The following PDE7B variants were observed in gnomAD, a reference collection of about 807,000 sequenced individuals.
PDE7B encodes 3',5'-cyclic-AMP phosphodiesterase 7B.
Under a neutral mutation model 56.2 loss-of-function variants are expected in PDE7B, and 29 were observed. The ratio of observed to expected loss-of-function variants is 0.52; its 90% CI spans 0.38 to 0.70. The LOEUF (loss-of-function observed/expected upper bound fraction) is 0.70. Among genes scored for constraint, PDE7B ranks in the 30% least tolerant of loss-of-function variants. PDE7B has a pLI of 0.00. For synonymous variants in PDE7B, 197 were observed against 196.9 expected, an observed-to-expected ratio of 1.00 and a Z score of 0.00; for missense variants, 490 against 565.0, an observed-to-expected ratio of 0.87 and a Z score of 1.35.
intron 3 of PDE7B, among the ~76,000 whole-genome samples, chr6:136,143,508 C>CA (rs1179459572): frequency 1.3e-5 from 2 of 151,146 alleles, no homozygotes; most frequent in South Asian, 2.1e-4. Flanking sequence ...AAATTAAAAC[C>CA]AAAAAAAGTC....
intron 1 of PDE7B, among the ~76,000 whole-genome samples, chr6:135,928,075 T>A (rs758842336): frequency 4.6e-5 from 7 of 151,768 alleles, no homozygotes; most frequent in Non-Finnish European, 8.8e-5. Flanking sequence ...CAAATCAAAA[T>A]CACCATGAGA....
At chr6:136,109,602 G>A (rs1388091476) in intron 3 of PDE7B, among the ~76,000 whole-genome samples, 1 of 152,160 alleles carries the variant, frequency 6.6e-6, no homozygotes, top group Non-Finnish European at 1.5e-5. Flanking sequence ...AAAATCCAAA[G>A]CACTTGCTGC....
chr6:135,899,283 A>G (rs771262218), intron 1 of PDE7B, among the ~76,000 whole-genome samples: 1 of 152,024 alleles, frequency 6.6e-6, no homozygotes, highest in Non-Finnish European at 1.5e-5. Context: ...TACAACGTTC[A>G]TCTTAATAAT....
intron 2 of PDE7B, among the ~76,000 whole-genome samples, chr6:135,978,422 T>C (rs1173091498): frequency 6.6e-6 from 1 of 152,146 alleles, no homozygotes; most frequent in Non-Finnish European, 1.5e-5. Flanking sequence ...AGAATGTTAC[T>C]GTACACTTCT....
intron 2 of PDE7B, chr6:136,047,491 A>G (rs1239705339): frequency 6.6e-6 from 1 of 152,218 alleles, no homozygotes; most frequent in African/African-American, 2.4e-5. Flanking sequence ...TCCCCTAGAA[A>G]GAAAGTGGGG....
In PDE7B at chr6:136,177,299, A is replaced by G. The variant is rs184846803; in HGVS notation, c.804-1698A>G. On this transcript the variant is annotated intron_variant, in intron 9 of 12. Coordinates refer to ENST00000308191, the MANE Select transcript of PDE7B (RefSeq NM_018945.4). ...TCAACATAGTGAAACCCCCATCTCT[A>G]TTTATAAATTTAAAAATAAAATTAA... is the stretch of plus-strand genomic sequence containing the variant. Among the ~76,000 whole-genome samples, 1,257 of 152,188 alleles carry G rather than the reference A, an allele frequency of 8.3e-3. 4 individuals carry two copies. The highest frequency in any genetic ancestry group is 0.014 in the Admixed American group (209 of 15,284).
intron 2 of PDE7B, among the ~76,000 whole-genome samples, chr6:135,978,026 G>T (rs560363033): frequency 6.6e-6 from 1 of 152,138 alleles, no homozygotes; most frequent in Non-Finnish European, 1.5e-5. Context: ...AAACCTGTAC[G>T]GTAATGCATC....
intron 2 of PDE7B, among the ~76,000 whole-genome samples, chr6:135,965,340 G>C (rs1774979583): frequency 6.6e-6 from 1 of 152,174 alleles, no homozygotes; most frequent in African/African-American, 2.4e-5. Context: ...TGCAGCAACT[G>C]TCCTAGGTAG....
intron 1 of PDE7B, among the ~76,000 whole-genome samples, chr6:135,894,073 A>G (rs1364879666): frequency 2.0e-5 from 3 of 152,156 alleles, no homozygotes; most frequent in African/African-American, 7.2e-5. Flanking sequence ...GAAATTACTA[A>G]AATATCAGTA....
intron 2 of PDE7B, among the ~76,000 whole-genome samples, chr6:136,087,418 T>C (rs1777311233): frequency 1.3e-5 from 2 of 152,064 alleles, no homozygotes; most frequent in South Asian, 2.1e-4. Flanking sequence ...ACTTTTTTAC[T>C]TCCAAGCAAA....
chr6:136,060,497 C>T (rs191739568), intron 2 of PDE7B, among the ~76,000 whole-genome samples: 46 of 152,176 alleles, frequency 3.0e-4, no homozygotes, highest in African/African-American at 1.1e-3. Flanking sequence ...GTGTAAATTA[C>T]AAGAAAATCT....
At chr6:136,103,289 T>G (rs989595742) in intron 2 of PDE7B, among the ~76,000 whole-genome samples, 1 of 152,200 alleles carries the variant, frequency 6.6e-6, no homozygotes, top group Non-Finnish European at 1.5e-5. Context: ...TCCTGTAAGA[T>G]CATGGTACTC....
At chr6:135,953,711 A>G (rs1363730143) in intron 2 of PDE7B, among the ~76,000 whole-genome samples, 2 of 152,136 alleles carry the variant, frequency 1.3e-5, no homozygotes, top group Non-Finnish European at 2.9e-5. Flanking sequence ...ATTTGGTTCA[A>G]GTGAATAGAT....
Position 136,173,901 on chromosome 6 carries a change from G to GT in PDE7B, c.803+13_803+14insT, listed in dbSNP as rs768180704. ...CAAAGGAAATGACGTAAGTGCTGCC[G>GT]AGATGAAACATACTGATGTGCATGC... On this transcript the variant is annotated intron_variant, in intron 9 of 12. Transcript: ENST00000308191. 4.4e-6 allele frequency: 7 copies of GT among 1,575,376 alleles called. No homozygotes were observed. The highest frequency in any genetic ancestry group is 6.1e-6 in the Non-Finnish European group (7 of 1,145,052).
At position 136,108,112 on chromosome 6, in the gene PDE7B, C is replaced by T. The variant is rs1425061723; in HGVS notation, c.83-619C>T. On this transcript the variant is annotated intron_variant, in intron 2 of 12. Transcript: ENST00000308191. ...ACTGCACTCCAACCTGGCAACAAAG[C>T]GAGACTCCATGTCAAAAAAAAAAAA... 1.2e-4 allele frequency among the ~76,000 whole-genome samples: 13 copies of T among 112,848 alleles called. 1 individual carries two copies. In the Admixed American group the frequency reaches 1.2e-3, roughly 10 times the overall value. 74.0% of individuals were successfully genotyped at this position (112,848 alleles called of 152,430 possible).
At chr6:135,936,388 G>A (rs1351964254) in intron 1 of PDE7B, among the ~76,000 whole-genome samples, 1 of 152,156 alleles carries the variant, frequency 6.6e-6, no homozygotes, top group African/African-American at 2.4e-5. Context: ...CTTGACAATT[G>A]CAGTGTAAAT....
chr6:136,147,356 A>C lies in PDE7B; in HGVS notation c.172A>C (p.Thr58Pro). Residue 58 changes from threonine (T) to proline (P), a missense_variant, in exon 4 of 13, where the codon ACA (threonine) becomes CCA (proline). By Grantham distance (38) the Thr-to-Pro change is conservative (BLOSUM62 -1). Transcript: ENST00000308191. ...FIDFRLLNST[T>P]YSGEIGTKKK... Reference sequence around the variant, plus strand: ...GACTTGATGACTTTCCACAGGTACAACATACTCAGGGGAGATTGGCACCAA... The same window carrying C: ...GACTTGATGACTTTCCACAGGTACACCATACTCAGGGGAGATTGGCACCAA... The C allele has an allele frequency of 6.2e-7, 1 of 1,610,750 alleles. No individual in the cohort carries two copies. Among genetic ancestry groups the C allele is most frequent in the Non-Finnish European group, 8.5e-7 (1 of 1,177,366 alleles).
rs184000910 is a variant in PDE7B, at chr6:135,862,154, T to C, written c.21+10135T>C. The stretch of plus-strand genomic sequence containing the variant: ...ATTGTTGAAGGGGTAATCGTGGCAA[T>C]ATTATCTTGTTTCCAGTCTCAGAAA... On this transcript the variant is annotated intron_variant, in intron 1 of 12. Transcript: ENST00000308191. Among the ~76,000 whole-genome samples, 373 of 151,964 alleles carry C rather than the reference T, an allele frequency of 2.5e-3. 2 individuals carry two copies. The highest frequency in any genetic ancestry group is 8.7e-3 in the African/African-American group (361 of 41,560).
intron 2 of PDE7B, among the ~76,000 whole-genome samples, chr6:136,041,108 C>T (rs1776405388): frequency 6.6e-6 from 1 of 152,152 alleles, no homozygotes; most frequent in African/African-American, 2.4e-5. Context: ...CATGAAATTG[C>T]AGAAATTCTG....
Sources: gnomAD v4.1 joint callset for allele counts (sites outside exome capture counted in the v4.1 genomes callset) on GRCh38, gnomAD v4.1.1 for gene constraint, MANE v1.5 for transcripts, NCBI Gene and HGNC (gene_info 2026-07-23, HGNC 2026-07-21) for gene names.